Variants in VSX1 observed in about 807,000 individuals in gnomAD.
The protein encoded by VSX1 is visual system homeobox 1.
A neutral mutation model predicts 23.6 loss-of-function variants in VSX1; 23 were observed. The observed-to-expected ratio is 0.97, with a 90% CI of 0.70 to 1.38. VSX1 has a LOEUF of 1.38. VSX1 is among the 40% of genes most tolerant of loss of function. The pLI, the probability that VSX1 is intolerant of heterozygous loss-of-function variation, is 0.00. For synonymous variants in VSX1, 247 were observed against 215.1 expected (o/e 1.15, Z -1.30); for missense variants, 517 against 495.4 (o/e 1.04, Z -0.41).
downstream of VSX1, among the ~76,000 whole-genome samples, chr20:25,073,426 C>G (rs2089422549): frequency 6.6e-6 from 1 of 152,104 alleles, no homozygotes; most frequent in Non-Finnish European, 1.5e-5. Flanking sequence ...CACTACTTTA[C>G]CTTCTGCATA....
downstream of VSX1, chr20:25,072,754 T>A (rs2089406294): frequency 2.2e-6 from 1 of 453,084 alleles, no homozygotes; most frequent in Non-Finnish European, 4.5e-6. Flanking sequence ...AAGCATTATT[T>A]GTTATATCTT....
In VSX1 at chr20:25,075,915, T is replaced by C. The variant is rs897685009; in HGVS notation, c.*346A>G. The C allele has an allele frequency of 3.1e-6, 1 of 317,466 alleles. No homozygotes were observed. The highest frequency in any genetic ancestry group is 5.9e-6 in the Non-Finnish European group (1 of 168,612). 19.7% of individuals were successfully genotyped at this position (317,466 alleles called of 1,614,324 possible). Reference sequence around the variant, plus strand: ...GAATGAGGACATCAGACCTAACCTATTCATCTATACAGTACATTGAACCAC... The same window carrying C: ...GAATGAGGACATCAGACCTAACCTACTCATCTATACAGTACATTGAACCAC... On this transcript the variant is annotated 3_prime_UTR_variant, in exon 5 of 5. Coordinates refer to ENST00000376709, the MANE Select transcript of VSX1 (RefSeq NM_014588.6).
chr20:25,075,128 C>T (rs1265694607), downstream of VSX1, among the ~76,000 whole-genome samples: 14 of 152,174 alleles, frequency 9.2e-5, no homozygotes, highest in Admixed American at 9.2e-4. Context: ...GATGGGAGCA[C>T]CAAGCCTAGC....
rs2089495684 is a variant in VSX1 at position 25,076,537 on chromosome 20, T to C, written c.822A>G (p.Lys274=). 1 of 1,609,350 alleles carries C rather than the reference T, an allele frequency of 6.2e-7. No homozygotes were observed. The highest frequency in any genetic ancestry group is 8.5e-7 in the Non-Finnish European group (1 of 1,178,734). The change falls in exon 5 of 5, where the codon AAA becomes AAG. Residue 274 remains lysine, a synonymous_variant. Coordinates refer to ENST00000376709, the MANE Select transcript of VSX1 (RefSeq NM_014588.6). The part of the protein sequence containing the change: ...CAPWLLGMHK[K]SMGMIRKPGS... ...CTGGCTTCCTTATCATCCCCATGGA[T>C]TTTTTATGCATCCCTTGTAAAAAAA...
rs2089497614 is a variant in VSX1 at position 25,076,566 on chromosome 20, A to AAG, written c.809-17_809-16insCT. The AAG allele has an allele frequency of 2.5e-6, 4 of 1,584,506 alleles. No individual in the cohort carries two copies. In the African/African-American group the frequency reaches 5.5e-5, roughly 22 times the overall value. ...TTATGCATCCCTTGTAAAAAAAAAA[A>AAG]TAAAAAGGAAAAAATAAAAATAAAA... On this transcript the variant is annotated splice_polypyrimidine_tract_variant and intron_variant, in intron 4 of 4. Transcript: ENST00000376709.
chr20:25,071,266 C>T, downstream of VSX1: 1 of 453,864 alleles, frequency 2.2e-6, no homozygotes, highest in Non-Finnish European at 4.4e-6. Context: ...GCCCATGTGT[C>T]ATTCATGATG....
rs540303374 is a variant in VSX1, at chr20:25,076,920, A to T, written c.809-370T>A. Among the ~76,000 whole-genome samples the T allele has an allele frequency of 7.2e-5, 11 of 152,332 alleles. No individual in the cohort carries two copies. In the South Asian group the frequency reaches 1.2e-3, roughly 17 times the overall value. On this transcript the variant is annotated intron_variant, in intron 4 of 4. Coordinates refer to ENST00000376709, the MANE Select transcript of VSX1 (RefSeq NM_014588.6). Reference sequence around the variant, plus strand: ...CTCTAGTGTTTCAGTCCTTGAGAGCAAAGTCAGGACATATCTATGATTGGA... The same window carrying T: ...CTCTAGTGTTTCAGTCCTTGAGAGCTAAGTCAGGACATATCTATGATTGGA...
rs1444824350 is a variant in VSX1 at position 25,076,420 on chromosome 20, A to G, written c.939T>C (p.Asp313=). ...CCAAGCCATTCTCAGGGCTCACTTT[A>G]TCTGAGCCTCTCTGTGATCCTGACT... ...QSESGSQRGS[D]KVSPENGLED... The change falls in exon 5 of 5, where the codon GAT becomes GAC. Residue 313 remains aspartate (D), a synonymous_variant. Transcript: ENST00000376709. 1.2e-6 allele frequency: 2 copies of G among 1,614,110 alleles called. No homozygotes were observed. The highest frequency in any genetic ancestry group is 1.7e-6 in the Non-Finnish European group (2 of 1,180,020).
chr20:25,076,304 G>A lies in VSX1; in HGVS notation c.1055C>T (p.Thr352Met), dbSNP rs200952122. Residue 352 changes from threonine to methionine, a missense_variant, in exon 5 of 5, where the codon ACG becomes ATG. Physicochemically the swap from Thr to Met is moderately conservative, Grantham distance 81 (BLOSUM62 -1). Transcript: ENST00000376709. The part of the protein sequence containing the change: ...GAGAQGGSNS[T>M]ALEGPQPGKV... ...CCCTGGCTGGGGCCCCTCCAGTGCC[G>A]TGGAGTTGGAGCCTCCTTGAGCACC... 168 of 1,614,198 alleles carry A rather than the reference G, an allele frequency of 1.0e-4. No homozygotes were observed. The East Asian group carries it at 1.3e-3, about 13-fold the overall frequency.
At chr20:25,077,949 G>A (rs751911902) in intron 3 of VSX1, 84 bp from the exon 4 acceptor site, 406 of 1,471,518 alleles carry the variant, frequency 2.8e-4, no homozygotes, top group Non-Finnish European at 3.4e-4. Context: ...GCGTCCCAGG[G>A]CTCGGATCTT....
downstream of VSX1, chr20:25,071,214 C>T (rs1311206539): frequency 6.6e-6 from 3 of 452,714 alleles, no homozygotes; most frequent in Non-Finnish European, 1.3e-5. Flanking sequence ...CCAAGCTGAG[C>T]ACCCAGGCAG....
At chr20:25,072,637 T>C (rs1244193108), downstream of VSX1, 1 of 471,196 alleles carries the variant, frequency 2.1e-6, no homozygotes, top group South Asian at 1.5e-5. Flanking sequence ...GCCCAATGTC[T>C]CACCCTCTGA....
In VSX1 at chr20:25,077,757, T is replaced by C. The variant is rs2089535674; in HGVS notation, c.736A>G (p.Ile246Val). Reference protein sequence around the residue: ...GLYGAMVRHCIPLPDSVLNSA... With the variant: ...GLYGAMVRHCVPLPDSVLNSA... ...TTGAGCACGGAGTCTGGCAGCGGGATGCAGTGGCGCACCATGGCCCCGTAC... is the reference window on the plus strand; with the variant it reads ...TTGAGCACGGAGTCTGGCAGCGGGACGCAGTGGCGCACCATGGCCCCGTAC... The change falls in exon 4 of 5, where the codon ATC becomes GTC. Residue 246 changes from isoleucine (I) to valine (V), a missense_variant. By Grantham distance (29) the Ile-to-Val change is conservative. Transcript: ENST00000376709. The C allele has an allele frequency of 2.6e-6, 4 of 1,550,826 alleles. No individual in the cohort carries two copies. The highest frequency in any genetic ancestry group is 2.7e-5 in the African/African-American group (2 of 73,134).
downstream of VSX1, chr20:25,071,602 T>A (rs1170724963): frequency 2.0e-6 from 1 of 509,466 alleles, no homozygotes; most frequent in African/African-American, 1.9e-5. Flanking sequence ...TTCCGAGTGA[T>A]AGACAAAGCC....
downstream of VSX1, chr20:25,071,859 AG>A (rs2089385803): frequency 1.4e-6 from 1 of 716,128 alleles, no homozygotes; most frequent in East Asian, 2.7e-5. Context: ...ATGCTTCCTG[AG>A]GCAGAACAAT....
Position 25,081,928 on chromosome 20 carries a change from C to T in VSX1, c.169G>A (p.Gly57Ser), listed in dbSNP as rs1306813178. The T allele has an allele frequency of 2.0e-6, 3 of 1,530,950 alleles. No homozygotes were observed. The highest frequency in any genetic ancestry group is 2.6e-6 in the Non-Finnish European group (3 of 1,145,126). 94.8% of individuals were successfully genotyped at this position (1,530,950 alleles called of 1,614,324 possible). The change falls in exon 1 of 5, where the codon GGT becomes AGT. Residue 57 changes from glycine (G) to serine (S), a missense_variant. Gly to Ser is a moderately conservative substitution (Grantham distance 56, BLOSUM62 0). Transcript: ENST00000376709. ...CCCGGGCACGGCGCGACTGCCGGACCCTCGCAGCCAGATCCCTGTCCTGGG... is the reference window on the plus strand; with the variant it reads ...CCCGGGCACGGCGCGACTGCCGGACTCTCGCAGCCAGATCCCTGTCCTGGG... Reference protein sequence around the residue: ...AGPGQGSGCEGPAVAPCPGPG... With the variant: ...AGPGQGSGCESPAVAPCPGPG...
rs1055959062 is a variant in VSX1 at position 25,081,868 on chromosome 20, C to T, written c.229G>A (p.Ala77Thr). ...AGGAGGCCGAGTCCCAGCGGTAGGG[C>T]CCCACGCGCCAGGCTGGAGCCGTCA... ...GLDGSSLARG[A>T]LPLGLGLLCG... Residue 77 changes from alanine (A) to threonine (T), a missense_variant, in exon 1 of 5, where the codon GCC becomes ACC. Physicochemically the swap from Ala to Thr is moderately conservative, Grantham distance 58. Transcript: ENST00000376709. The T allele has an allele frequency of 1.3e-6, 2 of 1,523,928 alleles. No homozygotes were observed. The highest frequency in any genetic ancestry group is 1.7e-6 in the Non-Finnish European group (2 of 1,142,956). The allele number at this position is 1,523,928 out of a possible 1,614,324, so 94.4% of individuals were successfully genotyped here. A position where few individuals can be genotyped will look rare whatever the true frequency, so the allele number is the denominator to read the frequency against.
At chr20:25,072,041 C>T, downstream of VSX1, 1 of 618,958 alleles carries the variant, frequency 1.6e-6, no homozygotes, top group South Asian at 2.0e-5. Flanking sequence ...GAGAGTATTT[C>T]ACAACAACTC....
At chr20:25,081,256 T>A (rs2089634538) in intron 1 of VSX1, among the ~76,000 whole-genome samples, 1 of 152,230 alleles carries the variant, frequency 6.6e-6, no homozygotes, top group Non-Finnish European at 1.5e-5. Context: ...CGCCCGCGTT[T>A]CCACCTGGTA....
Sources: gnomAD v4.1 joint callset for allele counts (sites outside exome capture counted in the v4.1 genomes callset) on GRCh38, gnomAD v4.1.1 for gene constraint, MANE v1.5 for transcripts, NCBI Gene and HGNC (gene_info 2026-07-23, HGNC 2026-07-21) for gene names.